Variants in COL3A1 observed in about 807,000 individuals in gnomAD.
COL3A1 encodes collagen type III alpha 1 chain.
Under a neutral mutation model 200.9 loss-of-function variants are expected in COL3A1, and 46 were observed. That is an observed-to-expected ratio of 0.23 (90% confidence interval 0.18 to 0.29). COL3A1 has a LOEUF of 0.29. COL3A1 is among the 10% of genes least tolerant of loss of function. The pLI is 1.00. For synonymous variants in COL3A1, 650 were observed against 628.0 expected, an observed-to-expected ratio of 1.03 and a Z score of -0.52; for missense variants, 1,367 against 1,917.6, an observed-to-expected ratio of 0.71 and a Z score of 5.36.
intron 42 of COL3A1, 36 bp downstream of exon 42, chr2:189,006,295 C>T: frequency 1.2e-6 from 2 of 1,613,940 alleles, no homozygotes; most frequent in Admixed American, 1.7e-5. Flanking sequence ...TTTGTGTTAT[C>T]AAAATAAGTG....
Position 189,007,915 on chromosome 2 carries a change from A to G in COL3A1, c.3394A>G (p.Ser1132Gly). 6.2e-7 allele frequency: 1 copy of G among 1,614,152 alleles called. No homozygotes were observed. The highest frequency in any genetic ancestry group is 8.5e-7 in the Non-Finnish European group (1 of 1,180,034). ...GPAGQQGAIG[S>G]PGPAGPRGPV... is the part of the protein sequence containing the mutation. ...TGCTGGTCAGCAGGGTGCAATCGGC[A>G]GTCCAGGACCTGCAGGCCCCAGAGT... Residue 1132 changes from serine to glycine, a missense_variant, in exon 46 of 51, where the codon AGT becomes GGT. Coordinates refer to ENST00000304636, the MANE Select transcript of COL3A1 (RefSeq NM_000090.4).
intron 32 of COL3A1, among the ~76,000 whole-genome samples, 172 bp from the exon 33 acceptor site, chr2:189,001,225 G>A (rs1299378183): frequency 6.6e-6 from 1 of 152,064 alleles, no homozygotes; most frequent in African/African-American, 2.4e-5. Context: ...TGTTTACTGA[G>A]CTCTGCAGTA....
chr2:189,007,675 G>A (rs1688625223), intron 45 of COL3A1, 68 bp downstream of exon 45: 1 of 1,392,478 alleles, frequency 7.2e-7, no homozygotes, highest in Non-Finnish European at 1.0e-6. Flanking sequence ...AGAGAAGAAA[G>A]CTTTCCATCT....
chr2:188,976,675 C>T (rs1263554354), intron 1 of COL3A1, among the ~76,000 whole-genome samples: 1 of 152,142 alleles, frequency 6.6e-6, no homozygotes, highest in Non-Finnish European at 1.5e-5. Context: ...TGAACACTCA[C>T]TTCTAGTTCA....
chr2:188,988,605 C>G lies in COL3A1; in HGVS notation c.598C>G (p.Gln200Glu). Reference protein sequence around the residue: ...HPGSPGSPGYQGPPGEPGQAG... With the variant: ...HPGSPGSPGYEGPPGEPGQAG... ...TACTCACTAGGGATCTCCAGGATAC[C>G]AAGGACCCCCTGGTGAACCTGGGCA... The change falls in exon 7 of 51, where the codon CAA becomes GAA. Residue 200 changes from glutamine to glutamate, a missense_variant. Physicochemically the swap from Gln to Glu is conservative, Grantham distance 29 (BLOSUM62 2). This residue lies in a region of COL3A1 where 462 missense variants were observed against 681.4 expected (regional missense o/e 0.68). Coordinates refer to ENST00000304636, the MANE Select transcript of COL3A1 (RefSeq NM_000090.4). The G allele has an allele frequency of 6.2e-7, 1 of 1,607,154 alleles. No individual in the cohort carries two copies. The highest frequency in any genetic ancestry group is 8.5e-7 in the Non-Finnish European group (1 of 1,174,622).
At chr2:188,993,019 ATTTTT>A in intron 15 of COL3A1, 79 bp downstream of exon 15, 1 of 1,324,338 alleles carries the variant, frequency 7.6e-7, no homozygotes, top group Non-Finnish European at 1.1e-6. Flanking sequence ...CTTGCAACTG[ATTTTT>A]TTAATCAGTC....
intron 1 of COL3A1, among the ~76,000 whole-genome samples, chr2:188,978,782 T>C (rs1190267159): frequency 7.2e-6 from 1 of 139,244 alleles, no homozygotes. Context: ...AAAAAGATCA[T>C]ATAGTGTAAA....
At chr2:188,992,720 TTTC>T (rs1688214140) in intron 14 of COL3A1, among the ~76,000 whole-genome samples, 164 bp from the exon 15 acceptor site, 2 of 152,192 alleles carry the variant, frequency 1.3e-5, no homozygotes, top group Non-Finnish European at 1.5e-5. Context: ...ATTTCACTCT[TTTC>T]TTATTTTACC....
rs1688537796 is a variant in COL3A1 at position 189,004,277 on chromosome 2, G to A, written c.2844G>A (p.Gly948=). 3 of 1,606,292 alleles carry A rather than the reference G, an allele frequency of 1.9e-6. No individual in the cohort carries two copies. The highest frequency in any genetic ancestry group is 1.1e-5 in the South Asian group (1 of 88,850). Residue 948 remains glycine, a synonymous_variant, in exon 40 of 51, where the codon GGG becomes GGA. Coordinates refer to ENST00000304636, the MANE Select transcript of COL3A1 (RefSeq NM_000090.4). ...ATTAGGGAGCTCCAGGCCCACTTGG[G>A]ATTGCTGGGATCACTGGAGCACGGG... is the stretch of plus-strand genomic sequence containing the variant. ...QGPPGAPGPL[G]IAGITGARGL...
intron 16 of COL3A1, 80 bp from the exon 17 acceptor site, chr2:188,993,958 T>A: frequency 7.3e-7 from 1 of 1,368,068 alleles, no homozygotes; most frequent in Non-Finnish European, 1.0e-6. Context: ...TCGATACATT[T>A]ATTTTCACAC....
rs746504108 is a variant in COL3A1, at chr2:189,001,418, C to T, written c.2305C>T (p.Pro769Ser). Residue 769 changes from proline to serine, a missense_variant, in exon 33 of 51, where the codon CCT becomes TCT. This residue lies in a region of COL3A1 where 846 missense variants were observed against 1,147.9 expected (regional missense o/e 0.74). Transcript: ENST00000304636. The part of the protein sequence containing the change: ...GPRGPTGPIG[P>S]PGPAGQPGDK... ...CTAGGGTCCTACTGGTCCTATTGGT[C>T]CTCCTGGCCCAGCTGGCCAGCCTGG... 18 of 1,613,856 alleles carry T rather than the reference C, an allele frequency of 1.1e-5. No individual in the cohort carries two copies. Among genetic ancestry groups the T allele is most frequent in the Non-Finnish European group, 1.4e-5 (16 of 1,179,758 alleles).
intron 32 of COL3A1, among the ~76,000 whole-genome samples, chr2:189,000,905 C>A (rs1459204191): frequency 6.6e-6 from 1 of 152,104 alleles, no homozygotes; most frequent in East Asian, 1.9e-4. Flanking sequence ...AAATGCTTCG[C>A]TTTTGACAGA....
Position 188,985,225 on chromosome 2 carries a change from C to A in COL3A1, c.311C>A (p.Pro104His), listed in dbSNP as rs772890945. Reference sequence around the variant, plus strand: ...ACTCGCCCTCCTAATGGTCAAGGACCTCAAGGCCCCAAGGGAGATCCAGTA... The same window carrying A: ...ACTCGCCCTCCTAATGGTCAAGGACATCAAGGCCCCAAGGGAGATCCAGTA... ...APTRPPNGQG[P>H]QGPKGDPGPP... The change falls in exon 3 of 51, where the codon CCT (proline) becomes CAT (histidine). Residue 104 changes from proline (P) to histidine (H), a missense_variant. Physicochemically the swap from Pro to His is moderately conservative, Grantham distance 77 (BLOSUM62 -2). Transcript: ENST00000304636. 3 of 1,612,094 alleles carry A rather than the reference C, an allele frequency of 1.9e-6. No homozygotes were observed. The African/African-American group carries it at 4.0e-5, about 22-fold the overall frequency.
At chr2:188,991,192 T>C (rs1273387724) in intron 11 of COL3A1, 135 bp downstream of exon 11, 1 of 891,300 alleles carries the variant, frequency 1.1e-6, no homozygotes, top group Non-Finnish European at 1.7e-6. Flanking sequence ...TGAATAATGG[T>C]AACCAATTCA....
chr2:188,985,073 A>G, intron 2 of COL3A1, 111 bp downstream of exon 2: 5 of 1,396,632 alleles, frequency 3.6e-6, no homozygotes, highest in Non-Finnish European at 5.1e-6. Context: ...TCAAATAGCC[A>G]TGTTTGTATT....
chr2:188,997,630 G>C, intron 26 of COL3A1, 70 bp from the exon 27 acceptor site: 2 of 1,500,962 alleles, frequency 1.3e-6, no homozygotes, highest in Non-Finnish European at 9.2e-7. Flanking sequence ...CAACAGGCCT[G>C]TTGAAATGGA....
chr2:189,007,668 G>A, intron 45 of COL3A1, 61 bp downstream of exon 45: 17 of 1,442,362 alleles, frequency 1.2e-5, no homozygotes, highest in Non-Finnish European at 1.6e-5. Flanking sequence ...GAGATTAAGA[G>A]AAGAAAGCTT....
At chr2:188,991,430 A>G in intron 11 of COL3A1, 57 bp from the exon 12 acceptor site, 1 of 1,145,188 alleles carries the variant, frequency 8.7e-7, no homozygotes, top group African/African-American at 1.6e-5. Flanking sequence ...GTATTTAAAA[A>G]TATATAATAT....
chr2:189,001,665 A>C, intron 34 of COL3A1, 76 bp downstream of exon 34: 5 of 1,529,226 alleles, frequency 3.3e-6, no homozygotes, highest in Non-Finnish European at 4.5e-6. Context: ...CCTTTTTGGC[A>C]GTTTTGCCCT....
Sources: allele counts gnomAD v4.1 joint callset (sites outside exome capture counted in the v4.1 genomes callset), GRCh38; gene constraint gnomAD v4.1.1; regional missense constraint gnomAD v4.1.1; transcripts MANE v1.5; gene names NCBI Gene and HGNC (gene_info 2026-07-23, HGNC 2026-07-21).